The following ZNF695 variants were observed in gnomAD, a reference collection of about 807,000 sequenced individuals.
ZNF695 encodes zinc finger protein 695, also known as zinc finger protein SBZF3.
Under a neutral mutation model 11.2 loss-of-function variants are expected in ZNF695, and 11 were observed. The ratio of observed to expected loss-of-function variants is 0.98; its 90% CI spans 0.62 to 1.62. The LOEUF (loss-of-function observed/expected upper bound fraction) is 1.62, where lower values mean the gene tolerates loss of function less well. ZNF695 is among the 40% of genes most tolerant of loss of function. ZNF695 has a pLI of 0.00. For synonymous variants in ZNF695, 190 were observed against 201.4 expected (o/e 0.94, Z 0.48); for missense variants, 559 against 590.5 (o/e 0.95, Z 0.55).
At chr1:246,955,308 G>A (rs1667969780) in intron 5 of ZNF695, among the ~76,000 whole-genome samples, 1 of 152,150 alleles carries the variant, frequency 6.6e-6, no homozygotes, top group Non-Finnish European at 1.5e-5. Flanking sequence ...GCATGTTACT[G>A]TACTGAATAG....
At chr1:246,974,700 A>C (rs1331769642) in intron 4 of ZNF695, among the ~76,000 whole-genome samples, 2 of 152,214 alleles carry the variant, frequency 1.3e-5, no homozygotes, top group African/African-American at 4.8e-5. Flanking sequence ...AGGGAAAATC[A>C]ATGCAGATAT....
intron 4 of ZNF695, among the ~76,000 whole-genome samples, chr1:246,970,074 C>A (rs1279206461): frequency 6.6e-6 from 1 of 152,182 alleles, no homozygotes; most frequent in Non-Finnish European, 1.5e-5. Context: ...TCCAGTATTG[C>A]TATCATAGCA....
At chr1:246,956,263 C>T (rs1156703271) in intron 5 of ZNF695, among the ~76,000 whole-genome samples, 1 of 150,338 alleles carries the variant, frequency 6.7e-6, no homozygotes, top group Non-Finnish European at 1.5e-5. Flanking sequence ...GCTGGGATTA[C>T]AAGCATGAGC....
Position 246,999,344 on chromosome 1 carries a change from C to T in ZNF695, c.259+4G>A. ...CTGTGTTCGCTTCATTCACTCCCAC[C>T]TACCTGAGTGTCTGGCTGTCTTCTC... is the stretch of plus-strand genomic sequence containing the variant. On this transcript the variant is annotated splice_donor_region_variant and intron_variant, in intron 3 of 3. Coordinates refer to ENST00000339986, the MANE Select transcript of ZNF695 (RefSeq NM_020394.5). 6.2e-7 allele frequency: 1 copy of T among 1,610,744 alleles called. No homozygotes were observed. The highest frequency in any genetic ancestry group is 2.2e-5 in the East Asian group (1 of 44,844).
At chr1:246,997,024 C>T (rs1669232689) in intron 3 of ZNF695, among the ~76,000 whole-genome samples, 1 of 152,176 alleles carries the variant, frequency 6.6e-6, no homozygotes, top group South Asian at 2.1e-4. Flanking sequence ...ACCATAATGT[C>T]TTGAAGTGTA....
chr1:246,954,069 A>G (rs2103000170), intron 5 of ZNF695, among the ~76,000 whole-genome samples: 1 of 152,288 alleles, frequency 6.6e-6, no homozygotes, highest in South Asian at 2.1e-4. Flanking sequence ...ATTATCATAA[A>G]TCCTCAAGTC....
chr1:246,974,188 C>T (rs1182453759), intron 4 of ZNF695, among the ~76,000 whole-genome samples: 2 of 147,286 alleles, frequency 1.4e-5, no homozygotes, highest in Admixed American at 1.3e-4. Flanking sequence ...AAAACAACAA[C>T]AAAAAACCTA....
At chr1:247,002,360 G>A (rs1669411765) in intron 1 of ZNF695, among the ~76,000 whole-genome samples, 1 of 152,162 alleles carries the variant, frequency 6.6e-6, no homozygotes, top group Non-Finnish European at 1.5e-5. Context: ...CTAAAGCAAT[G>A]TTAAGAGAAA....
intron 4 of ZNF695, among the ~76,000 whole-genome samples, chr1:246,972,429 A>C (rs552324620): frequency 6.6e-6 from 1 of 152,332 alleles, no homozygotes; most frequent in South Asian, 2.1e-4. Flanking sequence ...TCTCTGGATC[A>C]TCACCTTACA....
intron 5 of ZNF695, among the ~76,000 whole-genome samples, chr1:246,966,222 C>G (rs1668286679): frequency 6.6e-6 from 1 of 152,124 alleles, no homozygotes; most frequent in Admixed American, 6.6e-5. Context: ...GGCGCGGTGG[C>G]TCACACCTAT....
chr1:246,985,467 A>T lies in ZNF695; in HGVS notation c.*1500T>A. ...TTTAATGCCACTGGGAGAAGGGATC[A>T]TTAGAGATACTATTCCACCATGTTA... On this transcript the variant is annotated 3_prime_UTR_variant, in exon 4 of 4. Transcript: ENST00000339986. The T allele has an allele frequency of 2.0e-6, 2 of 985,416 alleles. No individual in the cohort carries two copies. The highest frequency in any genetic ancestry group is 2.4e-6 in the Non-Finnish European group (2 of 829,894). 61.0% of individuals were successfully genotyped at this position (985,416 alleles called of 1,614,324 possible). A position where few individuals can be genotyped will look rare whatever the true frequency, so the allele number is the denominator to read the frequency against.
intron 5 of ZNF695, among the ~76,000 whole-genome samples, chr1:246,963,868 CT>C: frequency 6.6e-6 from 1 of 152,160 alleles, no homozygotes; most frequent in Non-Finnish European, 1.5e-5. Flanking sequence ...ACTGCCCCTA[CT>C]TTAGATGCCA....
intron 5 of ZNF695, among the ~76,000 whole-genome samples, chr1:246,959,311 ATATATATATATATATATATATAT>A (rs1389970920): frequency 1.1e-3 from 23 of 20,954 alleles, no homozygotes; most frequent in East Asian, 2.2e-3. Context: ...AAAAAAAAAA[ATATATATATATATATATATATAT>A]ATATATATAT....
chr1:246,971,539 A>AC (rs1170455864), intron 4 of ZNF695, among the ~76,000 whole-genome samples: 2 of 152,068 alleles, frequency 1.3e-5, no homozygotes, highest in African/African-American at 4.8e-5. Context: ...CTACCGCTAG[A>AC]CCAGGGAGCC....
Position 246,959,282 on chromosome 1 carries a change from C to CA in ZNF695, c.488+8412dup, listed in dbSNP as rs1189262229. Among the ~76,000 whole-genome samples the CA allele has an allele frequency of 1.5e-3, 11 of 7,430 alleles. 1 individual carries two copies. Among genetic ancestry groups the CA allele is most frequent in the Non-Finnish European group, 1.9e-3 (9 of 4,762 alleles). The allele number at this position is 7,430 out of a possible 152,430, so 4.9% of individuals were successfully genotyped here. A position where few individuals can be genotyped will look rare whatever the true frequency, so the allele number is the denominator to read the frequency against. On this transcript the variant is annotated intron_variant, in intron 5 of 5. Coordinates refer to the ZNF695 transcript ENST00000487338. ...TGGATGACAGAGTGAGACCCTGTCT[C>CA]AAAAAAAAAAAAAAAAAAAAAAAAA...
At chr1:246,957,340 G>C (rs565580301) in intron 5 of ZNF695, among the ~76,000 whole-genome samples, 1 of 151,506 alleles carries the variant, frequency 6.6e-6, no homozygotes, top group South Asian at 2.1e-4. Context: ...CTGAGATCAG[G>C]CTCCTGCACT....
At chr1:247,002,159 T>TA (rs1669406724) in intron 1 of ZNF695, among the ~76,000 whole-genome samples, 3 of 151,702 alleles carry the variant, frequency 2.0e-5, no homozygotes, top group Admixed American at 6.6e-5. Flanking sequence ...CACAGTTAAA[T>TA]AAAAACAGAA....
At chr1:246,997,553 ATG>A (rs1020710400) in intron 3 of ZNF695, among the ~76,000 whole-genome samples, 19 of 146,498 alleles carry the variant, frequency 1.3e-4, no homozygotes, top group South Asian at 1.0e-3. Context: ...GCAATCTCAC[ATG>A]TGTGTGTGTG....
intron 4 of ZNF695, among the ~76,000 whole-genome samples, chr1:246,976,597 A>G (rs560538383): frequency 1.7e-4 from 26 of 151,786 alleles, no homozygotes; most frequent in Middle Eastern, 3.4e-3. Context: ...GATCGAGACC[A>G]TCCTGGCTAA....
Sources: allele counts gnomAD v4.1 joint callset (sites outside exome capture counted in the v4.1 genomes callset), GRCh38; gene constraint gnomAD v4.1.1; transcripts MANE v1.5; gene names NCBI Gene and HGNC (gene_info 2026-07-23, HGNC 2026-07-21).